MAP2K2: variants seen among roughly 807,000 people sequenced by gnomAD.
The protein encoded by MAP2K2 is mitogen-activated protein kinase kinase 2.
In MAP2K2, 24 loss-of-function variants were observed where a neutral mutation model predicts 43.7. The observed-to-expected ratio is 0.55, with a 90% CI of 0.40 to 0.77. The LOEUF is 0.77. MAP2K2 is among the 30% of genes least tolerant of loss of function. The probability of loss-of-function intolerance (pLI) is 0.00; values close to 1 mark genes in which losing one functional copy is unlikely to be tolerated. For missense variants in MAP2K2, 470 were observed against 566.8 expected, an observed-to-expected ratio of 0.83 and a Z score of 1.73; for synonymous variants, 244 against 239.7, an observed-to-expected ratio of 1.02 and a Z score of -0.17.
At chr19:4,103,033 T>C in intron 3 of MAP2K2, 1 of 1,053,250 alleles carries the variant, frequency 9.5e-7, no homozygotes, top group Non-Finnish European at 1.1e-6. Context: ...CTGCTGGGCG[T>C]CTGCCCTGCG....
chr19:4,094,607 G>T, intron 9 of MAP2K2, 109 bp from the exon 10 acceptor site: 1 of 1,030,848 alleles, frequency 9.7e-7, no homozygotes, highest in South Asian at 1.4e-5. Flanking sequence ...AGGGGGCCTG[G>T]ATCTCTCCGA....
intron 7 of MAP2K2, among the ~76,000 whole-genome samples, chr19:4,098,719 TC>T (rs1430169969): frequency 6.6e-6 from 1 of 152,090 alleles, no homozygotes; most frequent in Non-Finnish European, 1.5e-5. Context: ...CCGGGCTGTG[TC>T]CCCTCCTGTG....
chr19:4,103,334 A>G (rs1026653007), intron 3 of MAP2K2: 2 of 886,236 alleles, frequency 2.3e-6, no homozygotes, highest in Non-Finnish European at 2.7e-6. Flanking sequence ...CCTGGGGACC[A>G]AAACCCCCAA....
At chr19:4,117,303 G>A (rs1006910182) in intron 2 of MAP2K2, 116 bp downstream of exon 2, 2 of 1,013,560 alleles carry the variant, frequency 2.0e-6, no homozygotes. Flanking sequence ...GGGGATGAGG[G>A]ACAGAGCCTG....
chr19:4,117,942 T>C (rs1315249259), intron 1 of MAP2K2, among the ~76,000 whole-genome samples: 1 of 152,124 alleles, frequency 6.6e-6, no homozygotes, highest in Non-Finnish European at 1.5e-5. Context: ...TTCTTTTCTT[T>C]TTCTTTTTTT....
intron 8 of MAP2K2, among the ~76,000 whole-genome samples, chr19:4,096,928 G>A (rs889647423): frequency 1.3e-5 from 2 of 151,748 alleles, no homozygotes; most frequent in Non-Finnish European, 2.9e-5. Flanking sequence ...TGGGAGACGC[G>A]ACACACGTGG....
At chr19:4,097,436 G>T in intron 7 of MAP2K2, 93 bp from the exon 8 acceptor site, 1 of 919,202 alleles carries the variant, frequency 1.1e-6, no homozygotes, top group Non-Finnish European at 1.8e-6. Flanking sequence ...ACCACCAGGC[G>T]CCCTCCTCCA....
At chr19:4,097,378 G>T (rs746809948) in intron 7 of MAP2K2, 35 bp from the exon 8 acceptor site, 2 of 1,532,752 alleles carry the variant, frequency 1.3e-6, no homozygotes, top group East Asian at 2.2e-5. Context: ...GAGATGGGCC[G>T]ATGGCCACCT....
intron 4 of MAP2K2, 36 bp downstream of exon 4, chr19:4,102,340 C>A (rs369519491): frequency 6.5e-7 from 1 of 1,531,080 alleles, no homozygotes; most frequent in East Asian, 2.3e-5. Context: ...GTGCAGAGTG[C>A]GGTGGGGGCG....
chr19:4,112,903 G>C (rs1469324660), intron 2 of MAP2K2, among the ~76,000 whole-genome samples: 3 of 152,218 alleles, frequency 2.0e-5, no homozygotes, highest in African/African-American at 7.2e-5. Flanking sequence ...TTCACGTGGA[G>C]GTTGGGAGAT....
chr19:4,107,931 C>A (rs1012120598), intron 3 of MAP2K2, among the ~76,000 whole-genome samples: 1 of 152,136 alleles, frequency 6.6e-6, no homozygotes, highest in Non-Finnish European at 1.5e-5. Context: ...AGTCCTGTCC[C>A]GAACCCGTGG....
chr19:4,090,729 T>C, intron 10 of MAP2K2, 21 bp from the exon 11 acceptor site: 1 of 1,511,318 alleles, frequency 6.6e-7, no homozygotes. Flanking sequence ...AGGGGAGCCG[T>C]GAGCACCCGG....
intron 2 of MAP2K2, among the ~76,000 whole-genome samples, chr19:4,113,210 C>T (rs1159798473): frequency 1.3e-5 from 2 of 152,158 alleles, no homozygotes; most frequent in Non-Finnish European, 2.9e-5. Context: ...CCAGGAGCTC[C>T]GAACGTGAAA....
At chr19:4,120,557 T>G (rs1288157206) in intron 1 of MAP2K2, among the ~76,000 whole-genome samples, 1 of 152,126 alleles carries the variant, frequency 6.6e-6, no homozygotes, top group South Asian at 2.1e-4. Flanking sequence ...CCTCAAGTAA[T>G]CCACCCACCT....
In MAP2K2 at chr19:4,102,761, C is replaced by T. The variant is rs547210691; in HGVS notation, c.451-308G>A. On this transcript the variant is annotated intron_variant, in intron 3 of 10. Transcript: ENST00000262948. ...GGCAGAGGCTCTGCTCCGGGCCAGC[C>T]CAAGCCGCGGCCGGGGGCTCAGGCA... 1.5e-4 allele frequency: 190 copies of T among 1,288,128 alleles called. No individual in the cohort carries two copies. The African/African-American group carries it at 2.5e-3, about 17-fold the overall frequency. The allele number at this position is 1,288,128 out of a possible 1,614,324, so 79.8% of individuals were successfully genotyped here.
At chr19:4,109,906 G>A (rs113704492) in intron 3 of MAP2K2, among the ~76,000 whole-genome samples, 103 of 152,094 alleles carry the variant, frequency 6.8e-4, no homozygotes, top group Non-Finnish European at 1.2e-3. Context: ...AACAACCTAC[G>A]TACCCCCCAA....
At chr19:4,102,065 C>T (rs550915302) in intron 4 of MAP2K2, among the ~76,000 whole-genome samples, 14 of 152,162 alleles carry the variant, frequency 9.2e-5, no homozygotes, top group Admixed American at 8.5e-4. Flanking sequence ...AAGCTCCTGT[C>T]CCCTGCAACG....
Position 4,094,448 on chromosome 19 carries a change from C to T in MAP2K2, c.1092+5G>A. 1 of 1,561,342 alleles carries T rather than the reference C, an allele frequency of 6.4e-7. No individual in the cohort carries two copies. ...CCGGTCCCAGAACCCGCTGGCATCA[C>T]TCACTGTGAGCATCTTCAGGTCCGC... On this transcript the variant is annotated splice_donor_5th_base_variant and intron_variant, in intron 10 of 10. Coordinates refer to ENST00000262948, the MANE Select transcript of MAP2K2 (RefSeq NM_030662.4).
intron 2 of MAP2K2, 68 bp from the exon 3 acceptor site, chr19:4,110,723 T>C (rs2145070728): frequency 6.4e-7 from 1 of 1,557,012 alleles, no homozygotes; most frequent in Non-Finnish European, 8.7e-7. Context: ...ATTTGGGGCC[T>C]CTGCTCTGCA....
Sources: gnomAD v4.1 joint callset for allele counts (sites outside exome capture counted in the v4.1 genomes callset) on GRCh38, gnomAD v4.1.1 for gene constraint, MANE v1.5 for transcripts, NCBI Gene and HGNC (gene_info 2026-07-23, HGNC 2026-07-21) for gene names.